The following AMPH variants were observed in gnomAD, a reference collection of about 807,000 sequenced individuals.
AMPH encodes the protein amphiphysin.
A neutral mutation model predicts 99.1 loss-of-function variants in AMPH; 49 were observed. The ratio of observed to expected loss-of-function variants is 0.49; its 90% confidence interval spans 0.39 to 0.63. AMPH has a LOEUF of 0.63. AMPH is among the 20% of genes least tolerant of loss of function. The pLI is 0.00. For synonymous variants in AMPH, 314 were observed against 317.3 expected, an observed-to-expected ratio of 0.99 and a Z score of 0.11; for missense variants, 759 against 863.4, an observed-to-expected ratio of 0.88 and a Z score of 1.52.
At chr7:38,425,675 T>G (rs984727842) in intron 15 of AMPH, among the ~76,000 whole-genome samples, 15 of 152,142 alleles carry the variant, frequency 9.9e-5, no homozygotes, top group African/African-American at 3.4e-4. Context: ...GAAAATACTT[T>G]AAGTCTTCAC....
At chr7:38,484,157 G>C (rs1788401914) in intron 5 of AMPH, among the ~76,000 whole-genome samples, 1 of 152,018 alleles carries the variant, frequency 6.6e-6, no homozygotes, top group African/African-American at 2.4e-5. Context: ...ATGCATTATG[G>C]GAGTCCCAGA....
intron 1 of AMPH, among the ~76,000 whole-genome samples, chr7:38,595,292 G>C (rs977676336): frequency 1.3e-5 from 2 of 152,272 alleles, no homozygotes; most frequent in Middle Eastern, 3.4e-3. Flanking sequence ...TAGGGGCCCA[G>C]GTACATGGGG....
At chr7:38,448,568 T>C (rs890299030) in intron 11 of AMPH, among the ~76,000 whole-genome samples, 2 of 152,210 alleles carry the variant, frequency 1.3e-5, no homozygotes, top group African/African-American at 4.8e-5. Context: ...GAATGTAGTG[T>C]GAATGTGAAT....
At chr7:38,569,862 T>C (rs1213136998) in intron 1 of AMPH, among the ~76,000 whole-genome samples, 2 of 152,154 alleles carry the variant, frequency 1.3e-5, no homozygotes, top group South Asian at 2.1e-4. Context: ...AACATAGAAA[T>C]GGAAGCAATT....
chr7:38,542,862 G>A (rs1790857260), intron 1 of AMPH, among the ~76,000 whole-genome samples: 1 of 152,156 alleles, frequency 6.6e-6, no homozygotes, highest in South Asian at 2.1e-4. Context: ...TTGGGAGGCT[G>A]AGGCAGGCGG....
chr7:38,441,847 A>C (rs1264057555), intron 11 of AMPH, among the ~76,000 whole-genome samples: 2 of 98,552 alleles, frequency 2.0e-5, no homozygotes, highest in African/African-American at 4.5e-5. Flanking sequence ...TATATCATAT[A>C]TATCATATAT....
intron 11 of AMPH, among the ~76,000 whole-genome samples, chr7:38,446,757 T>C (rs564312575): frequency 1.3e-5 from 2 of 152,336 alleles, no homozygotes; most frequent in East Asian, 1.9e-4. Flanking sequence ...TATGTGCATA[T>C]GTAAACATGT....
intron 17 of AMPH, among the ~76,000 whole-genome samples, chr7:38,400,201 G>A (rs1037471765): frequency 2.0e-5 from 3 of 152,056 alleles, no homozygotes; most frequent in Middle Eastern, 3.2e-3. Context: ...TCAGTCTCCC[G>A]AGTAGCTGGG....
chr7:38,490,417 T>G (rs1226779195), intron 5 of AMPH, among the ~76,000 whole-genome samples: 1 of 152,166 alleles, frequency 6.6e-6, no homozygotes, highest in Non-Finnish European at 1.5e-5. Flanking sequence ...CCAGAGTCAA[T>G]TCCAAATCTA....
chr7:38,427,743 G>C lies in AMPH; in HGVS notation c.1183-757C>G, dbSNP rs1054671824. 2.4e-5 allele frequency: 9 copies of C among 368,318 alleles called. No homozygotes were observed. The Admixed American group carries it at 3.1e-4, about 13-fold the overall frequency. The allele number at this position is 368,318 out of a possible 1,614,324, so 22.8% of individuals were successfully genotyped here. ...GTTAGAGAGATCAGGCCTCCTAGAA[G>C]ATAGTGATGGATAATGAAGTAGGTG... On this transcript the variant is annotated intron_variant, in intron 14 of 20. Transcript: ENST00000356264.
chr7:38,500,032 G>C (rs1789077418), intron 3 of AMPH, among the ~76,000 whole-genome samples: 1 of 152,172 alleles, frequency 6.6e-6, no homozygotes, highest in Non-Finnish European at 1.5e-5. Flanking sequence ...AAATTACCCA[G>C]TCTGGGGGCA....
intron 20 of AMPH, among the ~76,000 whole-genome samples, chr7:38,386,466 A>G (rs1784351668): frequency 6.6e-6 from 1 of 152,202 alleles, no homozygotes; most frequent in Non-Finnish European, 1.5e-5. Context: ...TATAATCTGA[A>G]AGACAACTTG....
At chr7:38,387,812 T>C (rs987244293) in intron 20 of AMPH, among the ~76,000 whole-genome samples, 1 of 149,436 alleles carries the variant, frequency 6.7e-6, no homozygotes, top group African/African-American at 2.5e-5. Flanking sequence ...CCAAGCACAA[T>C]ATATTTAAAC....
At chr7:38,514,819 C>T (rs1443887061) in intron 2 of AMPH, among the ~76,000 whole-genome samples, 3 of 152,170 alleles carry the variant, frequency 2.0e-5, no homozygotes, top group Non-Finnish European at 4.4e-5. Context: ...TCTATTGTAG[C>T]AGCAGACTGA....
At chr7:38,511,629 A>T (rs1789546164) in intron 2 of AMPH, among the ~76,000 whole-genome samples, 1 of 152,232 alleles carries the variant, frequency 6.6e-6, no homozygotes, top group Non-Finnish European at 1.5e-5. Context: ...TTTATGACAG[A>T]TACTCAGTTT....
At chr7:38,597,539 A>G (rs1344122673) in intron 1 of AMPH, among the ~76,000 whole-genome samples, 1 of 152,178 alleles carries the variant, frequency 6.6e-6, no homozygotes, top group Non-Finnish European at 1.5e-5. Context: ...TCTTAAGCAG[A>G]ATTAAATACT....
At chr7:38,457,734 G>A (rs1434004777) in intron 11 of AMPH, among the ~76,000 whole-genome samples, 1 of 152,116 alleles carries the variant, frequency 6.6e-6, no homozygotes, top group Non-Finnish European at 1.5e-5. Flanking sequence ...ATGCAAAAAG[G>A]TCTTCTCAAT....
At chr7:38,431,822 C>A (rs1488494788) in intron 13 of AMPH, among the ~76,000 whole-genome samples, 1 of 152,058 alleles carries the variant, frequency 6.6e-6, no homozygotes. Context: ...TGCCAAGTAG[C>A]CCATCTCTTC....
intron 11 of AMPH, among the ~76,000 whole-genome samples, chr7:38,454,953 T>TAGTA (rs141364857): frequency 0.027 from 4,087 of 152,264 alleles, 150 homozygotes; most frequent in African/African-American, 0.094. Context: ...AAATACATGA[T>TAGTA]AGTACAGTCT....
Sources: gnomAD v4.1 joint callset for allele counts (sites outside exome capture counted in the v4.1 genomes callset) on GRCh38, gnomAD v4.1.1 for gene constraint, MANE v1.5 for transcripts, NCBI Gene and HGNC (gene_info 2026-07-23, HGNC 2026-07-21) for gene names.